BCAS3: variants seen among roughly 807,000 people sequenced by gnomAD.
BCAS3 encodes the protein BCAS3 microtubule associated cell migration factor.
BCAS3 carries 53 observed loss-of-function variants against 116.1 expected under a neutral mutation model. The ratio of observed to expected loss-of-function variants is 0.46; its 90% confidence interval spans 0.37 to 0.57. BCAS3 has a LOEUF of 0.57. Among genes scored for constraint, BCAS3 ranks in the 20% least tolerant of loss-of-function variants. The pLI is 0.00. For missense variants in BCAS3, 917 were observed against 1,165.4 expected, an observed-to-expected ratio of 0.79 and a Z score of 3.10; for synonymous variants, 391 against 408.2, an observed-to-expected ratio of 0.96 and a Z score of 0.51.
At chr17:61,372,345 A>G (rs999239904) in intron 23 of BCAS3, among the ~76,000 whole-genome samples, 7 of 152,066 alleles carry the variant, frequency 4.6e-5, no homozygotes, top group Admixed American at 1.3e-4. Flanking sequence ...CCTTAGGCGT[A>G]TTTCTCAAGG....
At chr17:60,705,181 G>A (rs115603281) in intron 4 of BCAS3, among the ~76,000 whole-genome samples, 3,019 of 152,164 alleles carry the variant, frequency 0.02, 105 homozygotes, top group African/African-American at 0.066. Context: ...CTGTCCAAAT[G>A]TTTTGCATGA....
intron 6 of BCAS3, among the ~76,000 whole-genome samples, chr17:60,757,360 A>AAATG (rs1686436075): frequency 6.8e-6 from 1 of 146,746 alleles, no homozygotes; most frequent in African/African-American, 2.5e-5. Flanking sequence ...ATAAATAAAT[A>AAATG]AATGAGTTTC....
At chr17:61,255,982 G>A (rs1019251431) in intron 22 of BCAS3, among the ~76,000 whole-genome samples, 10 of 152,226 alleles carry the variant, frequency 6.6e-5, no homozygotes, top group Non-Finnish European at 8.8e-5. Flanking sequence ...ATTGAGTCTC[G>A]TCAAACTGAC....
chr17:61,032,206 T>C lies in BCAS3; in HGVS notation c.1638-2460T>C, dbSNP rs2066695731. 6.6e-6 allele frequency among the ~76,000 whole-genome samples: 1 copy of C among 152,148 alleles called. No homozygotes were observed. The highest frequency in any genetic ancestry group is 1.5e-5 in the Non-Finnish European group (1 of 67,998). ...TATTTTCTCTTAAGAAGAGGCATGC[T>C]CACTTGTTACTTACCACATGATTTA... On this transcript the variant is annotated intron_variant, in intron 16 of 23. Coordinates refer to ENST00000407086, the MANE Select transcript of BCAS3 (RefSeq NM_017679.5). The surrounding 1 kb of genome is among the most constrained non-coding windows in gnomAD (Gnocchi z 4.6).
chr17:60,705,637 G>A, intron 4 of BCAS3, among the ~76,000 whole-genome samples: 1 of 152,092 alleles, frequency 6.6e-6, no homozygotes, highest in Non-Finnish European at 1.5e-5. Flanking sequence ...CACCACACCA[G>A]AGAAGTTAAG....
In BCAS3 at chr17:60,745,995, C is replaced by T. The variant is rs1299429188; in HGVS notation, c.322-1203C>T. On this transcript the variant is annotated intron_variant, in intron 5 of 23. Transcript: ENST00000407086. ...TTATAGTAATATTGTAAGATTTATA[C>T]ACTTCTAATTTTATCATGTATACAT... 2.6e-5 allele frequency among the ~76,000 whole-genome samples: 4 copies of T among 152,160 alleles called. No homozygotes were observed. In the East Asian group the frequency reaches 5.8e-4, roughly 22 times the overall value.
rs2083285774 is a variant in BCAS3, at chr17:61,239,153, T to G, written c.2426-129174T>G. Among the ~76,000 whole-genome samples the G allele has an allele frequency of 6.6e-6, 1 of 152,206 alleles. No individual in the cohort carries two copies. Among genetic ancestry groups the G allele is most frequent in the African/African-American group, 2.4e-5 (1 of 41,464 alleles). ...GGTACTGATTTAGTGAGCTCATTTTTGAAATGCAAAAGCAAAAAGGAATAA... is the reference window on the plus strand; with the variant it reads ...GGTACTGATTTAGTGAGCTCATTTTGGAAATGCAAAAGCAAAAAGGAATAA... On this transcript the variant is annotated intron_variant, in intron 22 of 23. Transcript: ENST00000407086. This position sits in a 1 kb window ranked among gnomAD's most constrained non-coding sequence, Gnocchi z 4.2.
At chr17:60,818,460 G>A (rs16944641) in intron 7 of BCAS3, among the ~76,000 whole-genome samples, 11,747 of 152,176 alleles carry the variant, frequency 0.077, 1,502 homozygotes, top group African/African-American at 0.27. Flanking sequence ...ATAATTAGAA[G>A]TAGAAGCATA....
intron 22 of BCAS3, among the ~76,000 whole-genome samples, chr17:61,194,731 ACT>A (rs1379389773): frequency 5.9e-5 from 7 of 119,238 alleles, no homozygotes; most frequent in Non-Finnish European, 1.1e-4. Flanking sequence ...CAAGAGCAAG[ACT>A]CTGTCTCAAA....
chr17:61,149,758 G>T (rs1444520402), intron 22 of BCAS3, among the ~76,000 whole-genome samples: 1 of 152,112 alleles, frequency 6.6e-6, no homozygotes, highest in East Asian at 1.9e-4. Flanking sequence ...AATGTCTGAG[G>T]CGTTTGTCTT....
rs1006090358 is a variant in BCAS3 at position 61,315,070 on chromosome 17, G to A, written c.2426-53257G>A. Among the ~76,000 whole-genome samples, 5 of 151,836 alleles carry A rather than the reference G, an allele frequency of 3.3e-5. No homozygotes were observed. Among genetic ancestry groups the A allele is most frequent in the Non-Finnish European group, 5.9e-5 (4 of 67,988 alleles). ...TTGAATCCTCTCCCCAGCATTCCAG[G>A]GGCAGTCTCCTCCACACGCCACACT... On this transcript the variant is annotated intron_variant, in intron 22 of 23. Transcript: ENST00000407086. This position sits in a 1 kb window ranked among gnomAD's most constrained non-coding sequence, Gnocchi z 5.3.
chr17:61,260,670 G>A (rs2049124978), intron 22 of BCAS3, among the ~76,000 whole-genome samples: 1 of 152,238 alleles, frequency 6.6e-6, no homozygotes, highest in African/African-American at 2.4e-5. Flanking sequence ...CAGAGGCCAA[G>A]TCAGACAACT....
intron 22 of BCAS3, among the ~76,000 whole-genome samples, chr17:61,331,589 T>G (rs2056292552): frequency 6.6e-6 from 1 of 152,152 alleles, no homozygotes; most frequent in African/African-American, 2.4e-5. Flanking sequence ...GCATAGGAGT[T>G]CAAGACCCCC....
In BCAS3 at chr17:61,126,640, A is replaced by G. The variant is rs184426273; in HGVS notation, c.2425+42076A>G. On this transcript the variant is annotated intron_variant, in intron 22 of 23. Transcript: ENST00000407086. The surrounding 1 kb of genome is among the most constrained non-coding windows in gnomAD (Gnocchi z 4.6). Reference sequence around the variant, plus strand: ...AGGAAAAATCAGGATACAATTTGGCACTTATGGAGACGAAATGATTTCCTT... The same window carrying G: ...AGGAAAAATCAGGATACAATTTGGCGCTTATGGAGACGAAATGATTTCCTT... 5.9e-5 allele frequency among the ~76,000 whole-genome samples: 9 copies of G among 152,296 alleles called. No homozygotes were observed. In the East Asian group the frequency reaches 1.2e-3, roughly 20 times the overall value.
chr17:60,813,586 T>C (rs1276567687), intron 7 of BCAS3, among the ~76,000 whole-genome samples: 2 of 152,212 alleles, frequency 1.3e-5, no homozygotes, highest in Non-Finnish European at 2.9e-5. Context: ...ACTACAGATA[T>C]TCACAAACTG....
chr17:60,858,329 C>G (rs1389080289), intron 7 of BCAS3, among the ~76,000 whole-genome samples: 3 of 152,054 alleles, frequency 2.0e-5, no homozygotes, highest in East Asian at 3.9e-4. Context: ...ATACCTTCCT[C>G]CTTTCCCTCT....
chr17:60,822,593 A>G (rs963654419), intron 7 of BCAS3, among the ~76,000 whole-genome samples: 1 of 152,238 alleles, frequency 6.6e-6, no homozygotes, highest in African/African-American at 2.4e-5. Context: ...TTCTATGTAT[A>G]ATTTCAGGCA....
At chr17:60,975,017 CG>C (rs2062227939) in intron 14 of BCAS3, among the ~76,000 whole-genome samples, 1 of 143,336 alleles carries the variant, frequency 7.0e-6, no homozygotes, top group Non-Finnish European at 1.5e-5. Context: ...TTTTTTGAGA[CG>C]GAGTCTCGCT....
Position 61,098,859 on chromosome 17 carries a change from C to T in BCAS3, c.2425+14295C>T, listed in dbSNP as rs2074135973. On this transcript the variant is annotated intron_variant, in intron 22 of 23. Transcript: ENST00000407086. The surrounding 1 kb of genome is among the most constrained non-coding windows in gnomAD (Gnocchi z 4.2). ...CCCCTGGATGGGCTGGGTGTGGTGG[C>T]TCACACCTGTAATACCAGCACTTTG... Among the ~76,000 whole-genome samples the T allele has an allele frequency of 6.6e-6, 1 of 152,026 alleles. No homozygotes were observed. The highest frequency in any genetic ancestry group is 6.6e-5 in the Admixed American group (1 of 15,246).
Sources: gnomAD v4.1 joint callset for allele counts (sites outside exome capture counted in the v4.1 genomes callset) on GRCh38, gnomAD v4.1.1 for gene constraint, Gnocchi (gnomAD v3.1) non-coding constraint, MANE v1.5 for transcripts, NCBI Gene and HGNC (gene_info 2026-07-23, HGNC 2026-07-21) for gene names.